The following SLC14A2 variants were observed in gnomAD, a reference collection of about 807,000 sequenced individuals.
SLC14A2 encodes the protein solute carrier family 14 member 2, also known as urea transporter 2.
In SLC14A2, 91 loss-of-function variants were observed where a neutral mutation model predicts 104.6. The observed-to-expected ratio is 0.87, with a 90% CI of 0.73 to 1.04. SLC14A2 has a LOEUF of 1.04. Among genes scored for constraint, SLC14A2 ranks in the 50% least tolerant of loss-of-function variants. The pLI is 0.00. For missense variants in SLC14A2, 1,189 were observed against 1,156.0 expected (o/e 1.03, Z -0.41); for synonymous variants, 476 against 466.4 (o/e 1.02, Z -0.27).
chr18:45,495,148 C>T (rs1405245690), intron 2 of SLC14A2, among the ~76,000 whole-genome samples: 1 of 151,972 alleles, frequency 6.6e-6, no homozygotes, highest in Non-Finnish European at 1.5e-5. Flanking sequence ...TCGGTCAATA[C>T]TTGGCAAATG....
upstream of SLC14A2, chr18:45,615,424 G>C (rs2045047022): frequency 6.6e-6 from 1 of 152,012 alleles, no homozygotes; most frequent in African/African-American, 2.4e-5. Context: ...GATAGTGAGT[G>C]AATTCTCACA....
chr18:45,668,224 C>A, intron 14 of SLC14A2, 125 bp from the exon 15 acceptor site: 1 of 1,340,876 alleles, frequency 7.5e-7, no homozygotes, highest in Non-Finnish European at 1.0e-6. Flanking sequence ...TCCCCACTCC[C>A]AGAAGGGTGG....
intron 1 of SLC14A2, among the ~76,000 whole-genome samples, chr18:45,482,222 T>C (rs775705967): frequency 6.6e-6 from 1 of 152,212 alleles, no homozygotes; most frequent in Non-Finnish European, 1.5e-5. Flanking sequence ...GCAGCCCTGT[T>C]TATAATAGCA....
intron 1 of SLC14A2, among the ~76,000 whole-genome samples, chr18:45,281,709 T>C (rs140593177): frequency 4.1e-4 from 63 of 152,306 alleles, no homozygotes; most frequent in Middle Eastern, 3.4e-3. Flanking sequence ...CAAGGCCACT[T>C]AATGGCTAAG....
At chr18:45,438,805 C>A (rs901299876) in intron 1 of SLC14A2, among the ~76,000 whole-genome samples, 1 of 152,168 alleles carries the variant, frequency 6.6e-6, no homozygotes, top group African/African-American at 2.4e-5. Context: ...GAATTCCTGT[C>A]CATATAAGAA....
the SLC14A2 span, among the ~76,000 whole-genome samples, chr18:45,192,299 G>T: frequency 2.6e-5 from 4 of 152,144 alleles, no homozygotes; most frequent in South Asian, 2.1e-4. Context: ...TATACTTAAA[G>T]AATACAATTT....
At chr18:45,227,252 G>A (rs1568109909) in intron 1 of SLC14A2, among the ~76,000 whole-genome samples, 1 of 152,146 alleles carries the variant, frequency 6.6e-6, no homozygotes. Flanking sequence ...ATGGCTTTTT[G>A]CAACTACTTC....
rs965068924 is a variant in SLC14A2, at chr18:45,632,424, A to C, written c.596A>C (p.Lys199Thr). ...VGLLMAVFSE[K>T]LDYYWWLLFP... ...CTGCTGATGGCCGTGTTCTCGGAGA[A>C]GTTAGACTACTACTGGTGGCTTCTG... Residue 199 changes from lysine to threonine, a missense_variant, in exon 5 of 20, where the codon AAG becomes ACG. Transcript: ENST00000255226. The C allele has an allele frequency of 1.2e-6, 2 of 1,613,964 alleles. No individual in the cohort carries two copies. The highest frequency in any genetic ancestry group is 2.7e-5 in the African/African-American group (2 of 74,902).
chr18:45,623,933 A>G (rs531120563), intron 1 of SLC14A2, among the ~76,000 whole-genome samples: 70 of 152,318 alleles, frequency 4.6e-4, no homozygotes, highest in African/African-American at 1.6e-3. Context: ...AGAGTACAGC[A>G]CTACCAAGGG....
At chr18:45,304,192 A>G (rs1010986044) in intron 1 of SLC14A2, among the ~76,000 whole-genome samples, 1 of 152,224 alleles carries the variant, frequency 6.6e-6, no homozygotes, top group Admixed American at 6.5e-5. Flanking sequence ...ACATAGCAAA[A>G]GGCAACCGGG....
rs117397347 is a variant in SLC14A2 at position 45,593,476 on chromosome 18, T to C, written c.-34-31155T>C. Among the ~76,000 whole-genome samples the C allele has an allele frequency of 3.3e-3, 484 of 148,152 alleles. 4 individuals are homozygous for C. Among genetic ancestry groups the C allele is most frequent in the Non-Finnish European group, 4.4e-3 (299 of 67,594 alleles). Reference sequence around the variant, plus strand: ...CATTCTGAGATATGATAACTAAGCATTTCCTTAATCTTTTTTTTTTTTTTT... The same window carrying C: ...CATTCTGAGATATGATAACTAAGCACTTCCTTAATCTTTTTTTTTTTTTTT... On this transcript the variant is annotated intron_variant, in intron 2 of 20. Coordinates refer to the SLC14A2 transcript ENST00000586448.
chr18:45,250,824 T>C (rs1466554221), intron 1 of SLC14A2, among the ~76,000 whole-genome samples: 3 of 146,882 alleles, frequency 2.0e-5, no homozygotes, highest in African/African-American at 7.6e-5. Flanking sequence ...TTTATAGGAA[T>C]GTTTTCCTGA....
At chr18:45,350,522 A>G (rs1300147459) in intron 1 of SLC14A2, among the ~76,000 whole-genome samples, 1 of 152,172 alleles carries the variant, frequency 6.6e-6, no homozygotes, top group Non-Finnish European at 1.5e-5. Flanking sequence ...AATTCCAAAT[A>G]TCTGGGCAAC....
rs117646722 is a variant in SLC14A2 at position 45,624,748 on chromosome 18, G to A, written c.84G>A (p.Pro28=). Residue 28 remains proline (P), a synonymous_variant, in exon 2 of 20, where the codon CCG becomes CCA. Transcript: ENST00000255226. ...YKLYEAEFTS[P]SWPSTSPDTH... is the part of the protein sequence containing the mutation. ...TCTACGAGGCAGAGTTTACCAGCCC[G>A]AGCTGGCCCTCGACATCCCCGGATA... 6.1e-3 allele frequency: 9,866 copies of A among 1,613,374 alleles called. 36 individuals are homozygous for A. Among genetic ancestry groups the A allele is most frequent in the Non-Finnish European group, 7.7e-3 (9,047 of 1,179,714 alleles).
intron 1 of SLC14A2, among the ~76,000 whole-genome samples, chr18:45,426,664 CAT>C (rs201032792): frequency 3.5e-5 from 5 of 143,276 alleles, no homozygotes; most frequent in South Asian, 2.2e-4. Context: ...CATACATATA[CAT>C]ATATATACAC....
At chr18:45,510,324 T>C (rs184481620) in intron 2 of SLC14A2, among the ~76,000 whole-genome samples, 36 of 152,258 alleles carry the variant, frequency 2.4e-4, no homozygotes, top group African/African-American at 8.7e-4. Context: ...CTTAAGATCA[T>C]GCAACTTATA....
intron 1 of SLC14A2, among the ~76,000 whole-genome samples, chr18:45,225,173 G>A (rs1186134510): frequency 6.6e-6 from 1 of 152,072 alleles, no homozygotes; most frequent in Middle Eastern, 3.2e-3. Context: ...TTTGTATAAG[G>A]TGTAAGGAAG....
At chr18:45,612,006 C>A (rs1183109952), upstream of SLC14A2, among the ~76,000 whole-genome samples, 1 of 152,166 alleles carries the variant, frequency 6.6e-6, no homozygotes, top group South Asian at 2.1e-4. Context: ...TTATTGAGCA[C>A]CTATTGTGTA....
At chr18:45,515,734 C>T (rs549671452) in intron 2 of SLC14A2, 3 of 152,208 alleles carry the variant, frequency 2.0e-5, no homozygotes, top group Non-Finnish European at 4.4e-5. Flanking sequence ...ACATTGGGCC[C>T]GGGAGAGCAG....
Sources: allele counts gnomAD v4.1 joint callset (sites outside exome capture counted in the v4.1 genomes callset), GRCh38; gene constraint gnomAD v4.1.1; transcripts MANE v1.5; gene names NCBI Gene and HGNC (gene_info 2026-07-23, HGNC 2026-07-21).